PCCA: variants seen among roughly 807,000 people sequenced by gnomAD.
PCCA encodes the protein propionyl-CoA carboxylase subunit alpha.
Under a neutral mutation model 101.3 loss-of-function variants are expected in PCCA, and 74 were observed. The observed-to-expected ratio is 0.73, with a 90% CI of 0.61 to 0.89. The LOEUF is 0.89. PCCA is among the 40% of genes least tolerant of loss of function. The pLI is 0.00. For synonymous variants in PCCA, 294 were observed against 313.6 expected (o/e 0.94, Z 0.66); for missense variants, 891 against 907.0 (o/e 0.98, Z 0.23).
intron 7 of PCCA, among the ~76,000 whole-genome samples, chr13:100,232,745 G>T (rs1443648381): frequency 6.6e-6 from 1 of 152,080 alleles, no homozygotes; most frequent in Non-Finnish European, 1.5e-5. Context: ...TGAGCAGCCT[G>T]TCTGAAACAA....
intron 19 of PCCA, among the ~76,000 whole-genome samples, chr13:100,400,951 AATG>A (rs2077326396): frequency 6.6e-6 from 1 of 151,888 alleles, no homozygotes; most frequent in African/African-American, 2.4e-5. Flanking sequence ...TGTTAGAGGT[AATG>A]ATGTCTTTTT....
At chr13:100,521,400 A>G (rs568911230) in intron 22 of PCCA, among the ~76,000 whole-genome samples, 4 of 152,256 alleles carry the variant, frequency 2.6e-5, no homozygotes, top group Admixed American at 2.6e-4. Context: ...ATGGGCCATT[A>G]AAGGAGTCTT....
chr13:100,446,126 C>T (rs910389243), intron 20 of PCCA, among the ~76,000 whole-genome samples: 1 of 152,166 alleles, frequency 6.6e-6, no homozygotes, highest in Non-Finnish European at 1.5e-5. Context: ...CAACCTCCAA[C>T]TCCCAGGTTC....
chr13:100,305,206 C>T lies in PCCA; in HGVS notation c.1285-1986C>T, dbSNP rs116894338. Among the ~76,000 whole-genome samples, 673 of 152,106 alleles carry T rather than the reference C, an allele frequency of 4.4e-3. 3 individuals are homozygous for T. The highest frequency in any genetic ancestry group is 7.4e-3 in the Non-Finnish European group (504 of 67,992). Reference sequence around the variant, plus strand: ...ATACTGATTTGCTTATACAAAGATACGTGTTTATATATATCTTGATTTTAT... The same window carrying T: ...ATACTGATTTGCTTATACAAAGATATGTGTTTATATATATCTTGATTTTAT... On this transcript the variant is annotated intron_variant, in intron 14 of 23. Coordinates refer to ENST00000376285, the MANE Select transcript of PCCA (RefSeq NM_000282.4).
rs193226890 is a variant in PCCA at position 100,144,172 on chromosome 13, G to T, written c.301-10807G>T. Among the ~76,000 whole-genome samples the T allele has an allele frequency of 2.7e-3, 414 of 152,224 alleles. 8 individuals are homozygous for T. Among genetic ancestry groups the T allele is most frequent in the African/African-American group, 9.7e-3 (401 of 41,504 alleles). On this transcript the variant is annotated intron_variant, in intron 4 of 23. Coordinates refer to ENST00000376285, the MANE Select transcript of PCCA (RefSeq NM_000282.4). Reference sequence around the variant, plus strand: ...ACTGCTTTTCATGATTACCTTCAATGTCTGGGAGCTAACTATACCAGGAAG... The same window carrying T: ...ACTGCTTTTCATGATTACCTTCAATTTCTGGGAGCTAACTATACCAGGAAG...
At chr13:100,389,160 T>C (rs1454239164) in intron 19 of PCCA, among the ~76,000 whole-genome samples, 1 of 151,962 alleles carries the variant, frequency 6.6e-6, no homozygotes, top group Non-Finnish European at 1.5e-5. Context: ...GTGGTGAGCA[T>C]GTATGTAGCG....
At chr13:100,448,710 T>C (rs866585719) in intron 20 of PCCA, among the ~76,000 whole-genome samples, 1 of 152,272 alleles carries the variant, frequency 6.6e-6, no homozygotes, top group African/African-American at 2.4e-5. Context: ...AAAGAGGTTA[T>C]TTCTTTCACT....
rs562421356 is a variant in PCCA, at chr13:100,210,929, T to C, written c.600+1466T>C. Reference sequence around the variant, plus strand: ...ATCCATGTTGTTTCTTCCCACTTGTTACAAGGAAGAGGTGTTCCACATCCT... The same window carrying C: ...ATCCATGTTGTTTCTTCCCACTTGTCACAAGGAAGAGGTGTTCCACATCCT... On this transcript the variant is annotated intron_variant, in intron 7 of 23. Transcript: ENST00000376285. Among the ~76,000 whole-genome samples, 104 of 152,360 alleles carry C rather than the reference T, an allele frequency of 6.8e-4. 1 individual carries two copies. The highest frequency in any genetic ancestry group is 2.3e-3 in the African/African-American group (96 of 41,586).
intron 8 of PCCA, among the ~76,000 whole-genome samples, chr13:100,256,112 A>G (rs1292088921): frequency 5.3e-5 from 8 of 152,004 alleles, no homozygotes; most frequent in Admixed American, 5.2e-4. Flanking sequence ...GGTTCAAGCG[A>G]TTCTCTTGCC....
At chr13:100,321,046 A>ACATT (rs397958203) in intron 16 of PCCA, among the ~76,000 whole-genome samples, 55 of 150,382 alleles carry the variant, frequency 3.7e-4, no homozygotes, top group Non-Finnish European at 6.4e-4. Flanking sequence ...TTCCTCCCTA[A>ACATT]TGTTACCATA....
intron 20 of PCCA, among the ~76,000 whole-genome samples, chr13:100,447,754 A>C (rs2080943646): frequency 6.6e-6 from 1 of 152,186 alleles, no homozygotes; most frequent in African/African-American, 2.4e-5. Context: ...CACTGCCTTA[A>C]GTATGCTATC....
intron 21 of PCCA, among the ~76,000 whole-genome samples, chr13:100,462,069 G>C (rs1425514804): frequency 6.6e-6 from 1 of 152,084 alleles, no homozygotes; most frequent in Non-Finnish European, 1.5e-5. Flanking sequence ...ATATTTTACA[G>C]TGCTAAGAAA....
chr13:100,171,989 G>T (rs1480809729), intron 6 of PCCA, among the ~76,000 whole-genome samples: 1 of 148,296 alleles, frequency 6.7e-6, no homozygotes, highest in Non-Finnish European at 1.5e-5. Context: ...CGGAGTTCTC[G>T]CCACTGCATT....
intron 12 of PCCA, among the ~76,000 whole-genome samples, chr13:100,286,758 T>C (rs2064703167): frequency 6.6e-6 from 1 of 152,038 alleles, no homozygotes; most frequent in Non-Finnish European, 1.5e-5. Flanking sequence ...TTTTTTTTTT[T>C]TTTAATGTCT....
intron 6 of PCCA, among the ~76,000 whole-genome samples, chr13:100,202,831 G>A (rs2058613816): frequency 6.6e-6 from 1 of 150,968 alleles, no homozygotes; most frequent in Non-Finnish European, 1.5e-5. Flanking sequence ...TACATTCTTT[G>A]TAGCTGTTTT....
intron 6 of PCCA, among the ~76,000 whole-genome samples, chr13:100,189,603 C>T (rs1000190346): frequency 2.6e-5 from 4 of 152,110 alleles, no homozygotes; most frequent in Non-Finnish European, 4.4e-5. Context: ...TTAATTAAGT[C>T]GCATCTTTTA....
chr13:100,244,511 G>A (rs998399975), intron 8 of PCCA, among the ~76,000 whole-genome samples: 2 of 151,754 alleles, frequency 1.3e-5, no homozygotes, highest in Non-Finnish European at 2.9e-5. Context: ...TTAGTCATTC[G>A]TGAATACCAT....
In PCCA at chr13:100,341,973, A is replaced by ATATATATATATATATATATATATATATG. The variant is rs1257478273; in HGVS notation, c.1643+1723_1643+1724insATATATATATATATATATGTATATATAT. 8.0e-3 allele frequency among the ~76,000 whole-genome samples: 968 copies of ATATATATATATATATATATATATATATG among 121,450 alleles called. 17 individuals are homozygous for ATATATATATATATATATATATATATATG. The highest frequency in any genetic ancestry group is 0.012 in the Non-Finnish European group (714 of 58,724). The allele number at this position is 121,450 out of a possible 152,430, so 79.7% of individuals were successfully genotyped here. ...CCCTTCAAAGTATATATATATATAT[A>ATATATATATATATATATATATATATATG]TATATATATGTATTTATGTGTGTGT... On this transcript the variant is annotated intron_variant, in intron 18 of 23. Coordinates refer to ENST00000376285, the MANE Select transcript of PCCA (RefSeq NM_000282.4).
At chr13:100,224,487 A>T (rs572666846) in intron 7 of PCCA, among the ~76,000 whole-genome samples, 77 of 152,316 alleles carry the variant, frequency 5.1e-4, no homozygotes, top group African/African-American at 1.8e-3. Flanking sequence ...CCAGCCCAGA[A>T]AGGGGCTCCC....
Sources: gnomAD v4.1 joint callset for allele counts (sites outside exome capture counted in the v4.1 genomes callset) on GRCh38, gnomAD v4.1.1 for gene constraint, MANE v1.5 for transcripts, NCBI Gene and HGNC (gene_info 2026-07-23, HGNC 2026-07-21) for gene names.